ZFAT: variants seen among roughly 807,000 people sequenced by gnomAD.
The protein encoded by ZFAT is zinc finger protein ZFAT.
Under a neutral mutation model 117.7 loss-of-function variants are expected in ZFAT, and 64 were observed. The observed-to-expected ratio is 0.54, with a 90% CI of 0.44 to 0.67. The LOEUF (loss-of-function observed/expected upper bound fraction) is 0.67. Ranked by LOEUF, ZFAT falls within the 30% of genes least tolerant of loss-of-function variation. ZFAT has a pLI of 0.00. For synonymous variants in ZFAT, 679 were observed against 615.0 expected, an observed-to-expected ratio of 1.10 and a Z score of -1.54; for missense variants, 1,433 against 1,584.5, an observed-to-expected ratio of 0.90 and a Z score of 1.62.
chr8:134,520,240 AACAGCCTGTAGGGC>A (rs1452222043), intron 13 of ZFAT, among the ~76,000 whole-genome samples: 1 of 152,194 alleles, frequency 6.6e-6, no homozygotes, highest in Non-Finnish European at 1.5e-5. Context: ...AATGCAGCTA[AACAGCCTGTAGGGC>A]ACAGGACAGC....
At chr8:134,822,955 T>TG in the ZFAT span, among the ~76,000 whole-genome samples, 3 of 151,844 alleles carry the variant, frequency 2.0e-5, no homozygotes, top group African/African-American at 7.3e-5. Flanking sequence ...AAGGAAAATG[T>TG]GGGGGAAAAA....
chr8:134,770,755 G>A, the ZFAT span, among the ~76,000 whole-genome samples: 20 of 152,302 alleles, frequency 1.3e-4, no homozygotes, highest in African/African-American at 4.8e-4. Context: ...CTTTTTCTCA[G>A]CGTGGAACAT....
the ZFAT span, among the ~76,000 whole-genome samples, chr8:134,719,631 A>G: frequency 6.6e-6 from 1 of 152,218 alleles, no homozygotes; most frequent in Non-Finnish European, 1.5e-5. Flanking sequence ...CTAAAAACAG[A>G]CATAAAACAT....
intron 1 of ZFAT, among the ~76,000 whole-genome samples, chr8:134,677,782 A>G (rs1832875992): frequency 1.3e-5 from 2 of 152,240 alleles, no homozygotes; most frequent in Admixed American, 6.5e-5. Context: ...CTGGGATGCA[A>G]GGCTAGTTCA....
At chr8:134,580,597 T>C (rs1825647570) in intron 10 of ZFAT, among the ~76,000 whole-genome samples, 1 of 152,188 alleles carries the variant, frequency 6.6e-6, no homozygotes, top group African/African-American at 2.4e-5. Context: ...ATTAACTTTA[T>C]TGGATAAAAA....
the ZFAT span, among the ~76,000 whole-genome samples, chr8:134,754,958 G>T: frequency 6.6e-6 from 1 of 152,208 alleles, no homozygotes; most frequent in South Asian, 2.1e-4. Context: ...GAGAAAGCGG[G>T]TCTCGGAGAT....
the ZFAT span, among the ~76,000 whole-genome samples, chr8:134,831,538 G>C: frequency 6.6e-6 from 1 of 152,186 alleles, no homozygotes; most frequent in Non-Finnish European, 1.5e-5. Context: ...GGCTTCACCC[G>C]AGTTTTGCTG....
intron 1 of ZFAT, among the ~76,000 whole-genome samples, chr8:134,659,203 C>G (rs1289248381): frequency 6.6e-6 from 1 of 152,192 alleles, no homozygotes; most frequent in Admixed American, 6.5e-5. Context: ...GCTCCTCACT[C>G]TCAACAGCTG....
At chr8:134,730,417 A>G in the ZFAT span, among the ~76,000 whole-genome samples, 3 of 150,990 alleles carry the variant, frequency 2.0e-5, no homozygotes, top group Non-Finnish European at 4.4e-5. Flanking sequence ...CCACTTCCCC[A>G]CTCCCCCTTC....
chr8:134,496,840 G>A (rs751663234), intron 15 of ZFAT, among the ~76,000 whole-genome samples: 2 of 152,214 alleles, frequency 1.3e-5, no homozygotes, highest in African/African-American at 2.4e-5. Context: ...TGGAGAGGGA[G>A]GAGAGCTTCT....
Position 134,549,210 on chromosome 8 carries a change from G to A in ZFAT, c.2976+16123C>T, listed in dbSNP as rs542751840. Among the ~76,000 whole-genome samples the A allele has an allele frequency of 1.1e-3, 168 of 152,226 alleles. 1 individual carries two copies. The highest frequency in any genetic ancestry group is 2.0e-3 in the Non-Finnish European group (134 of 68,016). On this transcript the variant is annotated intron_variant, in intron 11 of 15. Coordinates refer to ENST00000377838, the MANE Select transcript of ZFAT (RefSeq NM_020863.4). ...TAATCCCAGCACTTTGGGAGGCCGAGGCAGGCGGATCACGAGGTCAAGAGA... is the reference window on the plus strand; with the variant it reads ...TAATCCCAGCACTTTGGGAGGCCGAAGCAGGCGGATCACGAGGTCAAGAGA...
the ZFAT span, among the ~76,000 whole-genome samples, chr8:134,815,150 C>T: frequency 1.3e-5 from 2 of 152,182 alleles, no homozygotes; most frequent in Non-Finnish European, 2.9e-5. Flanking sequence ...AATCATCATG[C>T]TCGTATCTGA....
At chr8:134,665,591 C>T (rs1003721025) in intron 1 of ZFAT, among the ~76,000 whole-genome samples, 1 of 152,164 alleles carries the variant, frequency 6.6e-6, no homozygotes, top group African/African-American at 2.4e-5. Context: ...TATTACAAAA[C>T]GTACATAGAA....
chr8:134,831,973 G>A, the ZFAT span, among the ~76,000 whole-genome samples: 8 of 151,018 alleles, frequency 5.3e-5, no homozygotes, highest in Non-Finnish European at 7.4e-5. Context: ...CCCGCCCCAA[G>A]GCACTCACCT....
rs570818321 is a variant in ZFAT, at chr8:134,691,070, T to C, written c.19+21775A>G. 2.8e-4 allele frequency among the ~76,000 whole-genome samples: 43 copies of C among 152,284 alleles called. 1 individual carries two copies. The South Asian group carries it at 7.5e-3, about 26-fold the overall frequency. On this transcript the variant is annotated intron_variant, in intron 1 of 15. Coordinates refer to ENST00000377838, the MANE Select transcript of ZFAT (RefSeq NM_020863.4). ...TGTCCAAGTCCAGCTTCCCAGCCTG[T>C]ATCCAAACAAGGTCAGAAAGTCCTA... is the stretch of plus-strand genomic sequence containing the variant.
the ZFAT span, among the ~76,000 whole-genome samples, chr8:134,774,107 T>A: frequency 6.8e-6 from 1 of 147,884 alleles, no homozygotes; most frequent in Non-Finnish European, 1.5e-5. Context: ...GCTATTCTCC[T>A]GCCTCAGCCT....
the ZFAT span, among the ~76,000 whole-genome samples, chr8:134,719,843 G>A: frequency 2.2e-4 from 34 of 152,272 alleles, no homozygotes; most frequent in Admixed American, 1.0e-3. Flanking sequence ...TCTTTCAGCC[G>A]TTTTTGGAAA....
At chr8:134,608,003 T>C (rs1828021659) in intron 5 of ZFAT, among the ~76,000 whole-genome samples, 1 of 152,222 alleles carries the variant, frequency 6.6e-6, no homozygotes, top group South Asian at 2.1e-4. Context: ...TATGGAAAGA[T>C]GTATACACCA....
chr8:134,734,335 C>T, the ZFAT span, among the ~76,000 whole-genome samples: 3 of 152,260 alleles, frequency 2.0e-5, no homozygotes, highest in African/African-American at 7.2e-5. Context: ...GTTCCTATAC[C>T]CTTGTGACCA....
Sources: gnomAD v4.1 joint callset for allele counts (sites outside exome capture counted in the v4.1 genomes callset) on GRCh38, gnomAD v4.1.1 for gene constraint, MANE v1.5 for transcripts, NCBI Gene and HGNC (gene_info 2026-07-23, HGNC 2026-07-21) for gene names.